The following COBLL1 variants were observed in gnomAD, a reference collection of about 807,000 sequenced individuals.
The protein encoded by COBLL1 is cordon-bleu WH2 repeat protein like 1.
Under a neutral mutation model 94.8 loss-of-function variants are expected in COBLL1, and 50 were observed. That is an observed-to-expected ratio of 0.53 (90% CI 0.42 to 0.67). The LOEUF is 0.67. Ranked by LOEUF, COBLL1 falls within the 30% of genes least tolerant of loss-of-function variation. The pLI, the probability that COBLL1 is intolerant of heterozygous loss-of-function variation, is 0.00. For missense variants in COBLL1, 1,362 were observed against 1,348.7 expected, an observed-to-expected ratio of 1.01 and a Z score of -0.15; for synonymous variants, 448 against 473.8, an observed-to-expected ratio of 0.95 and a Z score of 0.71.
intron 3 of COBLL1, among the ~76,000 whole-genome samples, chr2:164,730,922 G>T (rs1050963782): frequency 6.6e-6 from 1 of 152,064 alleles, no homozygotes; most frequent in African/African-American, 2.4e-5. Flanking sequence ...TCATCCAAAG[G>T]TTATGAATAT....
At chr2:164,708,299 G>C (rs1442324348) in intron 7 of COBLL1, among the ~76,000 whole-genome samples, 5 of 151,642 alleles carry the variant, frequency 3.3e-5, no homozygotes, top group Admixed American at 3.3e-4. Flanking sequence ...CTCAGATTCT[G>C]TCTCAGAGTC....
intron 2 of COBLL1, among the ~76,000 whole-genome samples, chr2:164,827,910 T>G (rs1230777951): frequency 6.6e-6 from 1 of 152,184 alleles, no homozygotes; most frequent in Non-Finnish European, 1.5e-5. Context: ...TATTCAGAAT[T>G]TTCACTTATA....
intron 2 of COBLL1, among the ~76,000 whole-genome samples, chr2:164,771,775 A>G (rs987433012): frequency 6.6e-6 from 1 of 152,052 alleles, no homozygotes; most frequent in African/African-American, 2.4e-5. Context: ...AATTGTGATA[A>G]GAAGGCATCT....
chr2:164,707,150 A>AT (rs532354553), intron 7 of COBLL1, among the ~76,000 whole-genome samples: 17,444 of 147,004 alleles, frequency 0.12, 1,888 homozygotes, highest in African/African-American at 0.29. Context: ...CTCAAAAGTC[A>AT]TTTTTTTTTT....
In COBLL1 at chr2:164,685,309, G is replaced by C. The variant is rs970141102; in HGVS notation, c.*637C>G. 4 of 151,932 alleles carry C rather than the reference G, an allele frequency of 2.6e-5. No homozygotes were observed. Among genetic ancestry groups the C allele is most frequent in the African/African-American group, 9.7e-5 (4 of 41,412 alleles). The allele number at this position is 151,932 out of a possible 1,614,324, so 9.4% of individuals were successfully genotyped here. A position where few individuals can be genotyped will look rare whatever the true frequency, so the allele number is the denominator to read the frequency against. On this transcript the variant is annotated 3_prime_UTR_variant, in exon 14 of 14. Transcript: ENST00000652658. ...TAAGTTCTAAAGATTAAAAAAACAAGAGTTCCATGTTAATAAAATATTAAA... is the reference window on the plus strand; with the variant it reads ...TAAGTTCTAAAGATTAAAAAAACAACAGTTCCATGTTAATAAAATATTAAA...
intron 2 of COBLL1, chr2:164,779,675 TCTGAGTCTCTCGACCAAAAAGTCCC>T (rs1195856018): frequency 2.1e-6 from 1 of 470,940 alleles, no homozygotes; most frequent in Non-Finnish European, 4.4e-6. Context: ...GGATATTCTC[TCTGAGTCTCTCGACCAAAAAGTCCC>T]CTTTTAGCTC....
chr2:164,775,971 C>T (rs1688443177), intron 2 of COBLL1, among the ~76,000 whole-genome samples: 1 of 152,014 alleles, frequency 6.6e-6, no homozygotes, highest in Non-Finnish European at 1.5e-5. Context: ...ATAACAGCCC[C>T]AATACAGTCC....
At chr2:164,665,580 A>G (rs1354651405) in intron 2 of COBLL1, among the ~76,000 whole-genome samples, 2 of 152,194 alleles carry the variant, frequency 1.3e-5, no homozygotes, top group Non-Finnish European at 2.9e-5. Flanking sequence ...ATTTGGAAAG[A>G]AAAAAGTTAC....
intron 2 of COBLL1, among the ~76,000 whole-genome samples, chr2:164,790,575 T>C (rs1022395102): frequency 6.6e-6 from 1 of 152,186 alleles, no homozygotes; most frequent in Non-Finnish European, 1.5e-5. Context: ...ATCATTTTAC[T>C]TAAAGTTGAA....
intron 2 of COBLL1, among the ~76,000 whole-genome samples, chr2:164,757,383 A>G (rs571330983): frequency 6.6e-6 from 1 of 152,226 alleles, no homozygotes; most frequent in Non-Finnish European, 1.5e-5. Context: ...AAAGTAGTCC[A>G]TAAGTTTAAT....
intron 7 of COBLL1, among the ~76,000 whole-genome samples, chr2:164,707,012 T>G (rs1204383610): frequency 6.6e-6 from 1 of 152,190 alleles, no homozygotes; most frequent in Non-Finnish European, 1.5e-5. Context: ...CACACTGGCC[T>G]CTTTGCTGCT....
At chr2:164,772,251 T>C (rs1288725274) in intron 2 of COBLL1, among the ~76,000 whole-genome samples, 1 of 152,008 alleles carries the variant, frequency 6.6e-6, no homozygotes, top group African/African-American at 2.4e-5. Flanking sequence ...TTCTGGTTTA[T>C]GTCAACCTTA....
intron 7 of COBLL1, among the ~76,000 whole-genome samples, chr2:164,712,216 T>C (rs1474859675): frequency 6.6e-6 from 1 of 152,136 alleles, no homozygotes; most frequent in Non-Finnish European, 1.5e-5. Flanking sequence ...AGTGGGTCAT[T>C]GAAATTGACG....
Position 164,723,783 on chromosome 2 carries a change from T to C in COBLL1, c.662-1261A>G, listed in dbSNP as rs1048249941. On this transcript the variant is annotated intron_variant, in intron 5 of 13. Coordinates refer to ENST00000652658, the MANE Select transcript of COBLL1 (RefSeq NM_001365672.2). ...TTTATTATACCTTTTTCTTTTCTTA[T>C]TTATTTATTTATTTATTGAGACAGT... is the stretch of plus-strand genomic sequence containing the variant. The C allele has an allele frequency of 5.9e-5, 9 of 152,054 alleles. No homozygotes were observed. In the East Asian group the frequency reaches 1.7e-3, roughly 29 times the overall value. 9.4% of individuals were successfully genotyped at this position (152,054 alleles called of 1,614,324 possible).
At chr2:164,827,313 G>GT (rs770373332) in intron 2 of COBLL1, among the ~76,000 whole-genome samples, 22 of 152,098 alleles carry the variant, frequency 1.4e-4, no homozygotes, top group Admixed American at 2.6e-4. Context: ...TGGGAATAAT[G>GT]TAAAATGTCG....
chr2:164,770,102 A>G (rs73968251), intron 2 of COBLL1, among the ~76,000 whole-genome samples: 1,678 of 152,254 alleles, frequency 0.011, 25 homozygotes, highest in African/African-American at 0.038. Context: ...TTACAGGACA[A>G]AGCATAAATT....
intron 2 of COBLL1, among the ~76,000 whole-genome samples, chr2:164,805,283 G>GTCTGTC (rs1483589910): frequency 6.7e-5 from 2 of 29,774 alleles, no homozygotes; most frequent in African/African-American, 3.0e-4. Context: ...TATTCTCTCT[G>GTCTGTC]TCTGTCTCTC....
Position 164,760,521 on chromosome 2 carries a change from A to T in COBLL1, c.42-16646T>A, listed in dbSNP as rs574714606. On this transcript the variant is annotated intron_variant, in intron 2 of 13. Coordinates refer to ENST00000652658, the MANE Select transcript of COBLL1 (RefSeq NM_001365672.2). ...AAAGTTTCATAGAACTATAAACCTA[A>T]ATCAACAAACATAATGATTATAGAA... Among the ~76,000 whole-genome samples, 8 of 152,328 alleles carry T rather than the reference A, an allele frequency of 5.3e-5. No individual in the cohort carries two copies. In the South Asian group the frequency reaches 1.7e-3, roughly 32 times the overall value.
chr2:164,793,683 T>C (rs1683301612), intron 2 of COBLL1, among the ~76,000 whole-genome samples: 1 of 152,146 alleles, frequency 6.6e-6, no homozygotes, highest in Non-Finnish European at 1.5e-5. Flanking sequence ...TCCTTTCCAA[T>C]ATTAACAGGT....
Sources: gnomAD v4.1 joint callset for allele counts (sites outside exome capture counted in the v4.1 genomes callset) on GRCh38, gnomAD v4.1.1 for gene constraint, MANE v1.5 for transcripts, NCBI Gene and HGNC (gene_info 2026-07-23, HGNC 2026-07-21) for gene names.